Variants in TM2D1 observed in about 807,000 individuals in gnomAD.
TM2D1 encodes the protein TM2 domain-containing protein 1.
Under a neutral mutation model 28.4 loss-of-function variants are expected in TM2D1, and 15 were observed. That is an observed-to-expected ratio of 0.53 (90% CI 0.35 to 0.81). The LOEUF (loss-of-function observed/expected upper bound fraction) is 0.81, where lower values mean the gene tolerates loss of function less well. TM2D1 is among the 40% of genes least tolerant of loss of function. TM2D1 has a pLI of 0.01. For missense variants in TM2D1, 236 were observed against 254.9 expected, an observed-to-expected ratio of 0.93 and a Z score of 0.50; for synonymous variants, 93 against 96.2, an observed-to-expected ratio of 0.97 and a Z score of 0.20.
At chr1:61,717,311 T>C (rs1644529590) in intron 2 of TM2D1, among the ~76,000 whole-genome samples, 1 of 150,662 alleles carries the variant, frequency 6.6e-6, no homozygotes, top group Non-Finnish European at 1.5e-5. Flanking sequence ...GAGCTTGCAG[T>C]GAGCCGAGAT....
Position 61,709,343 on chromosome 1 carries a change from T to C in TM2D1, c.333A>G (p.Ile111Met), listed in dbSNP as rs781567009. 1 of 1,611,096 alleles carries C rather than the reference T, an allele frequency of 6.2e-7. No homozygotes were observed. Among genetic ancestry groups the C allele is most frequent in the East Asian group, 2.2e-5 (1 of 44,808 alleles). ...TGNEVGFFKP[I>M]SCRNVNGYSY... ...AATGTACTTACACATTTCGGCAAGA[T>C]ATGGGCTTGAAAAAACCAACTTCGT... The change falls in exon 3 of 7, where the codon ATA (isoleucine) becomes ATG (methionine). Residue 111 changes from isoleucine to methionine, a missense_variant. Ile to Met is a conservative substitution (Grantham distance 10). Transcript: ENST00000606498.
At chr1:61,700,235 T>A (rs1248983019) in intron 4 of TM2D1, 2 of 1,525,616 alleles carry the variant, frequency 1.3e-6, no homozygotes, top group East Asian at 2.5e-5. Context: ...GCCTCTAGAC[T>A]CAGTAAATCC....
intron 5 of TM2D1, among the ~76,000 whole-genome samples, chr1:61,684,615 C>G (rs1295903891): frequency 1.3e-5 from 2 of 152,154 alleles, no homozygotes; most frequent in East Asian, 3.8e-4. Flanking sequence ...TAACATTTTA[C>G]ATCTTTTTGT....
In TM2D1 at chr1:61,691,932, A is replaced by AAAAATATATATAT; in HGVS notation, c.513+2764_513+2765insATATATATATTTT. Among the ~76,000 whole-genome samples the AAAAATATATATAT allele has an allele frequency of 4.5e-3, 346 of 76,286 alleles. 6 individuals carry two copies. The highest frequency in any genetic ancestry group is 0.021 in the Middle Eastern group (2 of 94). 50.0% of individuals were successfully genotyped at this position (76,286 alleles called of 152,430 possible). Reference sequence around the variant, plus strand: ...TCTCAAAAAAAACTTAAAAAAAAAAAATATATATATATATATATATATATA... The same window carrying AAAAATATATATAT: ...TCTCAAAAAAAACTTAAAAAAAAAAAAAAATATATATATATATATATATATATATATATATATA... On this transcript the variant is annotated intron_variant, in intron 5 of 6. Transcript: ENST00000606498.
At chr1:61,721,927 T>C (rs1644568205) in intron 2 of TM2D1, among the ~76,000 whole-genome samples, 1 of 114,540 alleles carries the variant, frequency 8.7e-6, no homozygotes, top group Admixed American at 1.2e-4. Flanking sequence ...CTGGACAATA[T>C]AGGGAGACCC....
intron 1 of TM2D1, 44 bp from the exon 2 acceptor site, chr1:61,723,830 A>ACACATTAT (rs1215571227): frequency 1.1e-6 from 1 of 917,214 alleles, no homozygotes; most frequent in Non-Finnish European, 1.7e-6. Flanking sequence ...TTCCAACACA[A>ACACATTAT]CACATTATCA....
rs765354303 is a variant in TM2D1, at chr1:61,724,933, G to T, written c.164+24C>A. ...CCCCAACTCTACCTCGCCTCCATGG[G>T]GGGGTGTTCTCCACAGAGGATATTG... On this transcript the variant is annotated intron_variant, in intron 1 of 6. Coordinates refer to ENST00000606498, the MANE Select transcript of TM2D1 (RefSeq NM_032027.3). 3 of 1,566,102 alleles carry T rather than the reference G, an allele frequency of 1.9e-6. No homozygotes were observed. In the South Asian group the frequency reaches 3.5e-5, roughly 18 times the overall value.
In TM2D1 at chr1:61,708,641, T is replaced by C. The variant is rs904175911; in HGVS notation, c.347+688A>G. Among the ~76,000 whole-genome samples the C allele has an allele frequency of 2.6e-5, 4 of 152,194 alleles. No individual in the cohort carries two copies. In the South Asian group the frequency reaches 6.2e-4, roughly 24 times the overall value. ...AAAACCAAGTTTAAAATGCCCTTTA[T>C]GTGCAAAAAATTAATTAGCATTTTT... On this transcript the variant is annotated intron_variant, in intron 3 of 6. Transcript: ENST00000606498.
intron 5 of TM2D1, among the ~76,000 whole-genome samples, chr1:61,690,456 C>CAAAAAAAAAAA (rs762550068): frequency 4.5e-4 from 27 of 59,996 alleles, no homozygotes; most frequent in East Asian, 1.3e-3. Flanking sequence ...GACTCAGTCT[C>CAAAAAAAAAAA]AAAAAAAAAA....
intron 3 of TM2D1, among the ~76,000 whole-genome samples, chr1:61,705,014 A>T (rs1306342497): frequency 6.6e-6 from 1 of 152,254 alleles, no homozygotes; most frequent in African/African-American, 2.4e-5. Context: ...GGTGAATATC[A>T]GCATGGCCAA....
chr1:61,695,497 T>C (rs1644357605), intron 4 of TM2D1, among the ~76,000 whole-genome samples: 1 of 152,148 alleles, frequency 6.6e-6, no homozygotes. Context: ...GGTGGGATGA[T>C]TAATCTCTTA....
rs111311651 is a variant in TM2D1, at chr1:61,702,750, TTA to T, written c.348-1727_348-1726del. On this transcript the variant is annotated intron_variant, in intron 3 of 6. Coordinates refer to ENST00000606498, the MANE Select transcript of TM2D1 (RefSeq NM_032027.3). ...ATTCAATTCAATTCAATTTTAGGCC[TTA>T]TATATATATATATGTAACATATATA... Among the ~76,000 whole-genome samples, 1,131 of 149,478 alleles carry T rather than the reference TTA, an allele frequency of 7.6e-3. 6 individuals are homozygous for T. The highest frequency in any genetic ancestry group is 0.012 in the Non-Finnish European group (817 of 67,334).
intron 5 of TM2D1, among the ~76,000 whole-genome samples, chr1:61,689,423 C>T (rs1256135880): frequency 6.6e-6 from 1 of 152,068 alleles, no homozygotes; most frequent in Non-Finnish European, 1.5e-5. Flanking sequence ...GAGTGTAGTA[C>T]TACAATCACA....
chr1:61,716,423 T>C (rs1644520475), intron 2 of TM2D1, among the ~76,000 whole-genome samples: 1 of 141,578 alleles, frequency 7.1e-6, no homozygotes. Flanking sequence ...ATGTATATAA[T>C]TATATATAAG....
At chr1:61,688,240 T>C (rs1372578830) in intron 5 of TM2D1, among the ~76,000 whole-genome samples, 1 of 152,110 alleles carries the variant, frequency 6.6e-6, no homozygotes, top group Non-Finnish European at 1.5e-5. Context: ...AAAATCCTCT[T>C]AAAGGCACTA....
Position 61,690,456 on chromosome 1 carries a change from C to CAAAA in TM2D1, c.513+4237_513+4240dup, listed in dbSNP as rs762550068. On this transcript the variant is annotated intron_variant, in intron 5 of 6. Coordinates refer to ENST00000606498, the MANE Select transcript of TM2D1 (RefSeq NM_032027.3). ...TGAGCAATAGGGCAAGACTCAGTCT[C>CAAAA]AAAAAAAAAAAAAAAAAAAAAAAAA... 4.5e-4 allele frequency among the ~76,000 whole-genome samples: 27 copies of CAAAA among 60,014 alleles called. 1 individual carries two copies. Among genetic ancestry groups the CAAAA allele is most frequent in the South Asian group, 9.0e-4 (1 of 1,110 alleles). The allele number at this position is 60,014 out of a possible 152,430, so 39.4% of individuals were successfully genotyped here. A position where few individuals can be genotyped will look rare whatever the true frequency, so the allele number is the denominator to read the frequency against.
chr1:61,705,037 A>G (rs1644430887), intron 3 of TM2D1, among the ~76,000 whole-genome samples: 1 of 152,252 alleles, frequency 6.6e-6, no homozygotes, highest in Non-Finnish European at 1.5e-5. Flanking sequence ...GCCATACTGC[A>G]TTAGACAGAA....
chr1:61,704,588 C>G (rs1020342863), intron 3 of TM2D1, among the ~76,000 whole-genome samples: 1 of 151,962 alleles, frequency 6.6e-6, no homozygotes, highest in Non-Finnish European at 1.5e-5. Context: ...CCCACCACCA[C>G]TCCCGGCTAA....
intron 4 of TM2D1, among the ~76,000 whole-genome samples, chr1:61,695,788 G>A (rs556992127): frequency 1.4e-4 from 21 of 152,168 alleles, no homozygotes; most frequent in South Asian, 6.2e-4. Context: ...ATAACATGGC[G>A]GCAATAAGTT....
Sources: allele counts gnomAD v4.1 joint callset (sites outside exome capture counted in the v4.1 genomes callset), GRCh38; gene constraint gnomAD v4.1.1; transcripts MANE v1.5; gene names NCBI Gene and HGNC (gene_info 2026-07-23, HGNC 2026-07-21).